Variants in GUCY1A2 observed in about 807,000 individuals in gnomAD.
GUCY1A2 encodes the protein guanylate cyclase soluble subunit alpha-2.
Under a neutral mutation model 63.5 loss-of-function variants are expected in GUCY1A2, and 27 were observed. The ratio of observed to expected loss-of-function variants is 0.43; its 90% CI spans 0.31 to 0.59. The LOEUF is 0.59. Among genes scored for constraint, GUCY1A2 ranks in the 20% least tolerant of loss-of-function variants. The pLI, the probability that GUCY1A2 is intolerant of heterozygous loss-of-function variation, is 0.11. For missense variants in GUCY1A2, 768 were observed against 913.3 expected (o/e 0.84, Z 2.05); for synonymous variants, 364 against 343.5 (o/e 1.06, Z -0.66).
At chr11:106,789,958 C>T (rs553007956) in intron 5 of GUCY1A2, among the ~76,000 whole-genome samples, 8 of 152,154 alleles carry the variant, frequency 5.3e-5, no homozygotes, top group Non-Finnish European at 1.0e-4. Flanking sequence ...AGACCTAAAG[C>T]CAGTACAACA....
At chr11:107,008,488 A>G (rs973503184) in intron 1 of GUCY1A2, among the ~76,000 whole-genome samples, 3 of 152,204 alleles carry the variant, frequency 2.0e-5, no homozygotes, top group Non-Finnish European at 4.4e-5. Context: ...AAAATAATCA[A>G]TTAAAAATCA....
chr11:106,740,262 C>A (rs942646019), intron 6 of GUCY1A2, among the ~76,000 whole-genome samples: 1 of 151,832 alleles, frequency 6.6e-6, no homozygotes, highest in Non-Finnish European at 1.5e-5. Context: ...GGCCTCCCAA[C>A]AATGTGCTGT....
intron 4 of GUCY1A2, among the ~76,000 whole-genome samples, chr11:106,933,475 G>C (rs1398033728): frequency 6.6e-6 from 1 of 152,148 alleles, no homozygotes; most frequent in Non-Finnish European, 1.5e-5. Flanking sequence ...GGAGAAAAGG[G>C]AACACTTATA....
intron 4 of GUCY1A2, among the ~76,000 whole-genome samples, chr11:106,896,542 A>T (rs992137183): frequency 6.6e-5 from 10 of 152,150 alleles, no homozygotes; most frequent in Non-Finnish European, 1.0e-4. Context: ...ATAATCTCCA[A>T]TGCAACAGTA....
chr11:106,854,231 GC>G (rs1173406159), intron 4 of GUCY1A2, among the ~76,000 whole-genome samples: 1 of 152,218 alleles, frequency 6.6e-6, no homozygotes, highest in Non-Finnish European at 1.5e-5. Context: ...AATAGCAGTG[GC>G]AGGACAGCCT....
intron 4 of GUCY1A2, among the ~76,000 whole-genome samples, chr11:106,935,575 C>G (rs1187117791): frequency 1.3e-5 from 2 of 152,136 alleles, no homozygotes. Context: ...TGCGGTGGCT[C>G]ACGCCTGTGA....
In GUCY1A2 at chr11:106,939,840, G is replaced by A. The variant is rs377308440; in HGVS notation, c.826C>T (p.Leu276=). The A allele has an allele frequency of 1.9e-6, 3 of 1,613,790 alleles. No homozygotes were observed. In the South Asian group the frequency reaches 3.3e-5, roughly 18 times the overall value. Residue 276 remains leucine (L), a synonymous_variant, in exon 4 of 8, where the codon CTA becomes TTA. Coordinates refer to ENST00000526355, the MANE Select transcript of GUCY1A2 (RefSeq NM_000855.3). Reference sequence around the variant, plus strand: ...CCTGGGTTTGAAACATCAGAGCATAGCTTCTCATTTGCAACCTGTTCCACT... The same window carrying A: ...CCTGGGTTTGAAACATCAGAGCATAACTTCTCATTTGCAACCTGTTCCACT... ...VEVEQVANEK[L]CSDVSNPGNC... is the part of the protein sequence containing the mutation.
At chr11:106,811,456 G>A (rs1373815988) in intron 4 of GUCY1A2, among the ~76,000 whole-genome samples, 1 of 152,068 alleles carries the variant, frequency 6.6e-6, no homozygotes, top group East Asian at 1.9e-4. Flanking sequence ...TTGACCAGTT[G>A]GGACTGTGCA....
chr11:106,869,713 C>T (rs1859647206), intron 4 of GUCY1A2, among the ~76,000 whole-genome samples: 1 of 152,090 alleles, frequency 6.6e-6, no homozygotes, highest in South Asian at 2.1e-4. Context: ...CCTCAGGGAT[C>T]TAGAGCTAGA....
chr11:106,763,128 G>A (rs1023052030), intron 6 of GUCY1A2, among the ~76,000 whole-genome samples: 11 of 152,022 alleles, frequency 7.2e-5, no homozygotes, highest in South Asian at 2.1e-4. Context: ...TAATTCATAC[G>A]TATATTTGGA....
intron 6 of GUCY1A2, among the ~76,000 whole-genome samples, chr11:106,725,899 C>A (rs1863399773): frequency 6.6e-6 from 1 of 151,642 alleles, no homozygotes; most frequent in African/African-American, 2.4e-5. Flanking sequence ...ATATACCCAT[C>A]CACAGACTGT....
chr11:106,952,487 T>C (rs1297378981), intron 3 of GUCY1A2, among the ~76,000 whole-genome samples: 1 of 152,140 alleles, frequency 6.6e-6, no homozygotes, highest in African/African-American at 2.4e-5. Context: ...GGTATTTTAT[T>C]CTCTTTGTAG....
Position 106,680,524 on chromosome 11 carries a change from G to A in GUCY1A2, c.*7025C>T, listed in dbSNP as rs926791000. On this transcript the variant is annotated 3_prime_UTR_variant, in exon 8 of 8. Transcript: ENST00000526355. ...TTAAGTCTAATATAAAGAATGATCT[G>A]ATCAGCAACTAGCTGAATTAACTGG... The A allele has an allele frequency of 1.5e-5, 3 of 197,858 alleles. No homozygotes were observed. The highest frequency in any genetic ancestry group is 2.3e-5 in the African/African-American group (1 of 43,348). The allele number at this position is 197,858 out of a possible 1,614,324, so 12.3% of individuals were successfully genotyped here. A position where few individuals can be genotyped will look rare whatever the true frequency, so the allele number is the denominator to read the frequency against.
chr11:107,010,165 C>T (rs1011603013), intron 1 of GUCY1A2, among the ~76,000 whole-genome samples: 1 of 152,114 alleles, frequency 6.6e-6, no homozygotes, highest in Admixed American at 6.5e-5. Flanking sequence ...GCAAATTTCC[C>T]GCCTTCCAAG....
At chr11:106,787,783 T>C (rs1265724722) in intron 5 of GUCY1A2, among the ~76,000 whole-genome samples, 1 of 151,858 alleles carries the variant, frequency 6.6e-6, no homozygotes, top group Non-Finnish European at 1.5e-5. Flanking sequence ...TTCATTTGTC[T>C]GTTGATGGAC....
At position 106,809,988 on chromosome 11, in the gene GUCY1A2, C is replaced by T; in HGVS notation, c.1692+5G>A. On this transcript the variant is annotated splice_donor_5th_base_variant and intron_variant, in intron 5 of 7. Coordinates refer to ENST00000526355, the MANE Select transcript of GUCY1A2 (RefSeq NM_000855.3). The stretch of plus-strand genomic sequence containing the variant: ...ATTTATATGTAAGTAACTAAACTCC[C>T]TTACCTTATAAATATCCAAAAATCC... 1 of 1,580,666 alleles carries T rather than the reference C, an allele frequency of 6.3e-7. No individual in the cohort carries two copies. Among genetic ancestry groups the T allele is most frequent in the South Asian group, 1.1e-5 (1 of 89,578 alleles).
chr11:107,011,611 AT>A (rs1464392949), intron 1 of GUCY1A2, among the ~76,000 whole-genome samples: 47 of 146,802 alleles, frequency 3.2e-4, no homozygotes, highest in Admixed American at 2.9e-3. Flanking sequence ...TTTAATATAT[AT>A]AAAAAGGAGT....
intron 4 of GUCY1A2, among the ~76,000 whole-genome samples, chr11:106,937,144 G>A (rs1860690280): frequency 6.6e-6 from 1 of 152,100 alleles, no homozygotes; most frequent in South Asian, 2.1e-4. Flanking sequence ...GGCAAACTCA[G>A]GTGAGTAAGC....
intron 1 of GUCY1A2, among the ~76,000 whole-genome samples, chr11:106,987,189 T>G (rs539687756): frequency 1.3e-5 from 2 of 152,320 alleles, no homozygotes; most frequent in South Asian, 4.1e-4. Flanking sequence ...AATACGAATG[T>G]AATACAAACC....
Sources: gnomAD v4.1 joint callset for allele counts (sites outside exome capture counted in the v4.1 genomes callset) on GRCh38, gnomAD v4.1.1 for gene constraint, MANE v1.5 for transcripts, NCBI Gene and HGNC (gene_info 2026-07-23, HGNC 2026-07-21) for gene names.